The following CCDC60 variants were observed in gnomAD, a reference collection of about 807,000 sequenced individuals.
CCDC60 encodes the protein coiled-coil domain-containing protein 60.
In CCDC60, 54 loss-of-function variants were observed where a neutral mutation model predicts 63.5. The ratio of observed to expected loss-of-function variants is 0.85; its 90% CI spans 0.68 to 1.07. The LOEUF (loss-of-function observed/expected upper bound fraction) is 1.07, where lower values mean the gene tolerates loss of function less well. Among genes scored for constraint, CCDC60 ranks in the 50% least tolerant of loss-of-function variants. The pLI is 0.00. For synonymous variants in CCDC60, 206 were observed against 238.8 expected, an observed-to-expected ratio of 0.86 and a Z score of 1.27; for missense variants, 651 against 684.3, an observed-to-expected ratio of 0.95 and a Z score of 0.54.
At chr12:119,400,703 A>C (rs1463387620) in intron 1 of CCDC60, among the ~76,000 whole-genome samples, 1 of 152,238 alleles carries the variant, frequency 6.6e-6, no homozygotes, top group Non-Finnish European at 1.5e-5. Flanking sequence ...GTAGTCCATG[A>C]ATTTGCAGGC....
intron 2 of CCDC60, among the ~76,000 whole-genome samples, chr12:119,444,699 ACT>A (rs1950508721): frequency 6.6e-6 from 1 of 151,794 alleles, no homozygotes; most frequent in Admixed American, 6.6e-5. Context: ...CACGCTGGCC[ACT>A]CTTCTCTGAC....
rs577008102 is a variant in CCDC60 at position 119,374,992 on chromosome 12, T to C, written c.90+39726T>C. On this transcript the variant is annotated intron_variant, in intron 1 of 13. Coordinates refer to ENST00000327554, the MANE Select transcript of CCDC60 (RefSeq NM_178499.5). Reference sequence around the variant, plus strand: ...TTTGGCTGGCTTCCTTACCGCATACTGTATTATCGGCAGGGTCTTTGTGAC... The same window carrying C: ...TTTGGCTGGCTTCCTTACCGCATACCGTATTATCGGCAGGGTCTTTGTGAC... 5.3e-5 allele frequency among the ~76,000 whole-genome samples: 8 copies of C among 152,296 alleles called. No homozygotes were observed. In the South Asian group the frequency reaches 1.5e-3, roughly 28 times the overall value.
intron 1 of CCDC60, among the ~76,000 whole-genome samples, chr12:119,351,000 C>T (rs563374547): frequency 4.9e-4 from 74 of 152,304 alleles, no homozygotes; most frequent in Admixed American, 1.0e-3. Flanking sequence ...TCCCAGCCTG[C>T]GTCTGTTCTC....
intron 2 of CCDC60, chr12:119,447,713 A>G (rs1950566709): frequency 6.6e-6 from 1 of 152,246 alleles, no homozygotes; most frequent in Admixed American, 6.5e-5. Context: ...ACTGCTGAAC[A>G]ACTGCTATGC....
intron 1 of CCDC60, among the ~76,000 whole-genome samples, chr12:119,388,923 T>C (rs916531824): frequency 2.0e-5 from 3 of 152,260 alleles, no homozygotes; most frequent in Admixed American, 6.5e-5. Context: ...AGTATCACCA[T>C]GTACAAACAG....
intron 7 of CCDC60, among the ~76,000 whole-genome samples, chr12:119,507,004 C>T (rs1418891764): frequency 6.6e-6 from 1 of 152,116 alleles, no homozygotes; most frequent in Non-Finnish European, 1.5e-5. Flanking sequence ...TTCCTGCTTC[C>T]TCCCCATCTG....
At chr12:119,538,681 C>T (rs191811696) in intron 13 of CCDC60, among the ~76,000 whole-genome samples, 1 of 152,316 alleles carries the variant, frequency 6.6e-6, no homozygotes, top group African/African-American at 2.4e-5. Flanking sequence ...CTTCTGAAGC[C>T]TACTTCTGTC....
At chr12:119,540,539 C>T in intron 13 of CCDC60, 75 bp from the exon 14 acceptor site, 1 of 1,027,070 alleles carries the variant, frequency 9.7e-7, no homozygotes, top group African/African-American at 1.6e-5. Context: ...CTTCCAGGAT[C>T]TTGAGGGGAG....
rs905662633 is a variant in CCDC60 at position 119,507,616 on chromosome 12, T to A, written c.883+2313T>A. 3.2e-3 allele frequency among the ~76,000 whole-genome samples: 252 copies of A among 79,176 alleles called. 4 individuals carry two copies. The highest frequency in any genetic ancestry group is 6.1e-3 in the Middle Eastern group (1 of 164). The allele number at this position is 79,176 out of a possible 152,430, so 51.9% of individuals were successfully genotyped here. A position where few individuals can be genotyped will look rare whatever the true frequency, so the allele number is the denominator to read the frequency against. ...CATATATATATATATATATATATAT[T>A]TTTTTTTTTTTTTTCTAGAAACAGG... On this transcript the variant is annotated intron_variant, in intron 7 of 13. Coordinates refer to ENST00000327554, the MANE Select transcript of CCDC60 (RefSeq NM_178499.5).
intron 1 of CCDC60, among the ~76,000 whole-genome samples, chr12:119,402,604 G>T (rs1956412615): frequency 6.6e-6 from 1 of 152,130 alleles, no homozygotes; most frequent in Non-Finnish European, 1.5e-5. Context: ...TATTGCAAGG[G>T]TAAATGGAAA....
chr12:119,476,305 T>C (rs1316623847), intron 3 of CCDC60, among the ~76,000 whole-genome samples: 5 of 152,102 alleles, frequency 3.3e-5, no homozygotes, highest in African/African-American at 1.2e-4. Context: ...AGAGAAGACA[T>C]AAAACCAGAG....
At chr12:119,488,451 T>C (rs1951508563) in intron 4 of CCDC60, among the ~76,000 whole-genome samples, 1 of 152,138 alleles carries the variant, frequency 6.6e-6, no homozygotes, top group African/African-American at 2.4e-5. Flanking sequence ...ATATACAAAT[T>C]CTCAGTAACT....
At chr12:119,356,715 A>G (rs1290460927) in intron 1 of CCDC60, among the ~76,000 whole-genome samples, 3 of 152,226 alleles carry the variant, frequency 2.0e-5, no homozygotes, top group Non-Finnish European at 4.4e-5. Flanking sequence ...AATGAGAAAT[A>G]TATCAGATGT....
At chr12:119,532,430 T>TATTATTATTATTATC (rs965773804) in intron 13 of CCDC60, among the ~76,000 whole-genome samples, 113 of 147,654 alleles carry the variant, frequency 7.7e-4, no homozygotes, top group African/African-American at 2.8e-3. Flanking sequence ...TTATTATTAT[T>TATTATTATTATTATC]ATCATTATAC....
intron 3 of CCDC60, among the ~76,000 whole-genome samples, chr12:119,476,259 A>T (rs1439366255): frequency 2.6e-5 from 4 of 152,194 alleles, no homozygotes; most frequent in Non-Finnish European, 5.9e-5. Context: ...GTGGAAAAAA[A>T]AGTGACGGGT....
chr12:119,507,573 TATATACACATATATATACATA>T (rs1952064049), intron 7 of CCDC60, among the ~76,000 whole-genome samples: 8 of 39,244 alleles, frequency 2.0e-4, no homozygotes, highest in African/African-American at 1.4e-3. Flanking sequence ...TATATATGTA[TATATACACATATATATACATA>T]TATATATATA....
intron 1 of CCDC60, among the ~76,000 whole-genome samples, chr12:119,409,009 T>C: frequency 6.6e-6 from 1 of 152,204 alleles, no homozygotes; most frequent in Non-Finnish European, 1.5e-5. Context: ...AGAAGGGACA[T>C]TGCATCACTT....
intron 6 of CCDC60, among the ~76,000 whole-genome samples, chr12:119,503,868 A>G (rs766950717): frequency 3.3e-5 from 5 of 152,194 alleles, no homozygotes; most frequent in Admixed American, 6.5e-5. Context: ...TCTTCTCCCT[A>G]TCACCTTTCC....
chr12:119,359,256 T>C (rs528383838), intron 1 of CCDC60, among the ~76,000 whole-genome samples: 90 of 152,332 alleles, frequency 5.9e-4, no homozygotes, highest in African/African-American at 2.1e-3. Flanking sequence ...TTTCATGAAA[T>C]GCCAGTTCAA....
Sources: allele counts gnomAD v4.1 joint callset (sites outside exome capture counted in the v4.1 genomes callset), GRCh38; gene constraint gnomAD v4.1.1; transcripts MANE v1.5; gene names NCBI Gene and HGNC (gene_info 2026-07-23, HGNC 2026-07-21).